Variants in LCE3E observed in about 807,000 individuals in gnomAD.
The protein encoded by LCE3E is late cornified envelope protein 3E.
For synonymous variants in LCE3E, 40 were observed against 47.0 expected (o/e 0.85, Z 0.61); for missense variants, 133 against 120.0 (o/e 1.11, Z -0.51).
chr1:152,565,754 T>C lies in LCE3E; in HGVS notation c.*176A>G, dbSNP rs1411772986. The C allele has an allele frequency of 1.1e-6, 1 of 901,872 alleles. No homozygotes were observed. The highest frequency in any genetic ancestry group is 1.7e-6 in the Non-Finnish European group (1 of 600,166). The allele number at this position is 901,872 out of a possible 1,614,324, so 55.9% of individuals were successfully genotyped here. A position where few individuals can be genotyped will look rare whatever the true frequency, so the allele number is the denominator to read the frequency against. ...AGGGGGACATATGACATCCTGTACA[T>C]AAAACAAGAAGTGCCTTCTGGGGAG... On this transcript the variant is annotated 3_prime_UTR_variant, in exon 2 of 2. Transcript: ENST00000368789.
rs748093170 is a variant in LCE3E, at chr1:152,566,171, G to A, written c.38C>T (p.Pro13Leu). 2.5e-6 allele frequency: 4 copies of A among 1,613,850 alleles called. No individual in the cohort carries two copies. Among genetic ancestry groups the A allele is most frequent in the Non-Finnish European group, 3.4e-6 (4 of 1,180,036 alleles). Residue 13 changes from proline to leucine, a missense_variant, in exon 2 of 2, where the codon CCA (proline) becomes CTA (leucine). Coordinates refer to ENST00000368789, the MANE Select transcript of LCE3E (RefSeq NM_178435.4). ...CQQNQKQCQP[P>L]PKCPSPKCPP... ...ACACTTGGGTGAGGGGCACTTGGGT[G>A]GGGGTTGGCACTGCTTCTGGTTCTG...
At position 152,565,729 on chromosome 1, in the gene LCE3E, A is replaced by AGG; in HGVS notation, c.*199_*200dup. ...GCCAATCCTTGGCAGGTACAGGGGTAGGGGGACATATGACATCCTGTACAT... is the reference window on the plus strand; with the variant it reads ...GCCAATCCTTGGCAGGTACAGGGGTAGGGGGGGACATATGACATCCTGTACAT... On this transcript the variant is annotated 3_prime_UTR_variant, in exon 2 of 2. Coordinates refer to ENST00000368789, the MANE Select transcript of LCE3E (RefSeq NM_178435.4). 1 of 704,742 alleles carries AGG rather than the reference A, an allele frequency of 1.4e-6. No homozygotes were observed. Among genetic ancestry groups the AGG allele is most frequent in the Non-Finnish European group, 2.3e-6 (1 of 430,838 alleles). The allele number at this position is 704,742 out of a possible 1,614,324, so 43.7% of individuals were successfully genotyped here.
In LCE3E at chr1:152,565,876, T is replaced by G; in HGVS notation, c.*54A>C. 2 of 1,595,384 alleles carry G rather than the reference T, an allele frequency of 1.3e-6. No individual in the cohort carries two copies. Among genetic ancestry groups the G allele is most frequent in the Non-Finnish European group, 8.5e-7 (1 of 1,170,896 alleles). ...GCGTCAGATGGGGCTGTTCTTGGCC[T>G]CTTGGGATTCTTGTTTCCTCCAAAG... On this transcript the variant is annotated 3_prime_UTR_variant, in exon 2 of 2. Transcript: ENST00000368789.
At position 152,566,090 on chromosome 1, in the gene LCE3E, C is replaced by T. The variant is rs557470051; in HGVS notation, c.119G>A (p.Ser40Asn). 3.1e-6 allele frequency: 5 copies of T among 1,613,838 alleles called. No individual in the cohort carries two copies. The highest frequency in any genetic ancestry group is 4.2e-6 in the Non-Finnish European group (5 of 1,180,040). Residue 40 changes from serine to asparagine, a missense_variant, in exon 2 of 2, where the codon AGC (serine) becomes AAC (asparagine). Transcript: ENST00000368789. ...LPPASSGCAP[S>N]SGGCGPSSEG... ...GGAGCTAGGGCCACAGCCCCCAGAGCTTGGGGCACAGCCAGAGGAAGCTGG... is the reference window on the plus strand; with the variant it reads ...GGAGCTAGGGCCACAGCCCCCAGAGTTTGGGGCACAGCCAGAGGAAGCTGG...
chr1:152,566,054 C>G lies in LCE3E; in HGVS notation c.155G>C (p.Cys52Ser), dbSNP rs756179802. 4 of 1,613,784 alleles carry G rather than the reference C, an allele frequency of 2.5e-6. No homozygotes were observed. The South Asian group carries it at 4.4e-5, about 18-fold the overall frequency. The change falls in exon 2 of 2, where the codon TGC becomes TCC. Residue 52 changes from cysteine to serine, a missense_variant. Physicochemically the swap from Cys to Ser is moderately radical, Grantham distance 112. Transcript: ENST00000368789. Reference protein sequence around the residue: ...GGCGPSSEGGCFLNHHRRHHR... With the variant: ...GGCGPSSEGGSFLNHHRRHHR... ...GTGGCGCCTGTGGTGGTTCAGGAAG[C>G]AGCCGCCCTCGGAGCTAGGGCCACA...
chr1:152,565,832 A>AGG lies in LCE3E; in HGVS notation c.*96_*97dup. On this transcript the variant is annotated 3_prime_UTR_variant, in exon 2 of 2. Coordinates refer to ENST00000368789, the MANE Select transcript of LCE3E (RefSeq NM_178435.4). ...CAGCTCAGCCTGTGAAAGTCAGAAG[A>AGG]GGGTATATGGGAAGGCATGCGTCAG... The AGG allele has an allele frequency of 6.6e-7, 1 of 1,503,846 alleles. No individual in the cohort carries two copies. The highest frequency in any genetic ancestry group is 9.0e-7 in the Non-Finnish European group (1 of 1,115,720). 93.2% of individuals were successfully genotyped at this position (1,503,846 alleles called of 1,614,324 possible).
At chr1:152,566,340 C>T (rs1185828771) in intron 1 of LCE3E, 111 bp from the exon 2 acceptor site, 1 of 1,163,800 alleles carries the variant, frequency 8.6e-7, no homozygotes, top group Non-Finnish European at 1.2e-6. Context: ...TGATGTGGAG[C>T]TGGTGGGATA....
At chr1:152,566,561 G>T (rs1659927532) in intron 1 of LCE3E, among the ~76,000 whole-genome samples, 177 bp downstream of exon 1, 2 of 152,032 alleles carry the variant, frequency 1.3e-5, no homozygotes, top group Admixed American at 1.3e-4. Flanking sequence ...GCAGGTCATG[G>T]AATTGCTGTC....
At chr1:152,566,416 T>G (rs577874244) in intron 1 of LCE3E, among the ~76,000 whole-genome samples, 187 bp from the exon 2 acceptor site, 2 of 152,086 alleles carry the variant, frequency 1.3e-5, no homozygotes, top group Admixed American at 1.3e-4. Flanking sequence ...TGGGCACGTG[T>G]GTTTCTGTTT....
At position 152,566,078 on chromosome 1, in the gene LCE3E, C is replaced by G. The variant is rs370189493; in HGVS notation, c.131G>C (p.Cys44Ser). The part of the protein sequence containing the change: ...SSGCAPSSGG[C>S]GPSSEGGCFL... ...GCAGCCGCCCTCGGAGCTAGGGCCA[C>G]AGCCCCCAGAGCTTGGGGCACAGCC... The change falls in exon 2 of 2, where the codon TGT becomes TCT. Residue 44 changes from cysteine to serine, a missense_variant. Physicochemically the swap from Cys to Ser is moderately radical, Grantham distance 112 (BLOSUM62 -1). Coordinates refer to ENST00000368789, the MANE Select transcript of LCE3E (RefSeq NM_178435.4). 9.3e-6 allele frequency: 15 copies of G among 1,613,836 alleles called. No individual in the cohort carries two copies. In the African/African-American group the frequency reaches 1.5e-4, roughly 16 times the overall value.
chr1:152,565,935 A>G lies in LCE3E; in HGVS notation c.274T>C (p.Cys92Arg). 1 of 1,613,168 alleles carries G rather than the reference A, an allele frequency of 6.2e-7. No homozygotes were observed. The highest frequency in any genetic ancestry group is 8.5e-7 in the Non-Finnish European group (1 of 1,179,804). The stretch of plus-strand genomic sequence containing the variant: ...TCTCAGCATCAGGATCTGGATCAGC[A>G]GCAGCCCCCAGAACCGTGGCAGCAG... ...SGCCHGSGGCC is the reference protein window; with the variant it reads ...SGCCHGSGGCR The change falls in exon 2 of 2, where the codon TGC becomes CGC. Residue 92 changes from cysteine to arginine, a missense_variant. Physicochemically the swap from Cys to Arg is radical, Grantham distance 180. Transcript: ENST00000368789.
Position 152,565,777 on chromosome 1 carries a change from G to A in LCE3E, c.*153C>T. On this transcript the variant is annotated 3_prime_UTR_variant, in exon 2 of 2. Transcript: ENST00000368789. ...CATAAAACAAGAAGTGCCTTCTGGGGAGAGCTCAGATCCCCCACAGGAAAA... is the reference window on the plus strand; with the variant it reads ...CATAAAACAAGAAGTGCCTTCTGGGAAGAGCTCAGATCCCCCACAGGAAAA... 1.8e-6 allele frequency: 2 copies of A among 1,113,558 alleles called. No individual in the cohort carries two copies. The highest frequency in any genetic ancestry group is 1.5e-5 in the South Asian group (1 of 66,180). 69.0% of individuals were successfully genotyped at this position (1,113,558 alleles called of 1,614,324 possible).
At chr1:152,566,439 C>T (rs1007180366) in intron 1 of LCE3E, among the ~76,000 whole-genome samples, 5 of 152,014 alleles carry the variant, frequency 3.3e-5, no homozygotes, top group African/African-American at 1.2e-4. Flanking sequence ...CCAAAGAACC[C>T]CTAGGGAATG....
chr1:152,566,188 C>G lies in LCE3E; in HGVS notation c.21G>C (p.Gln7His). The G allele has an allele frequency of 6.2e-7, 1 of 1,613,826 alleles. No homozygotes were observed. Among genetic ancestry groups the G allele is most frequent in the Non-Finnish European group, 8.5e-7 (1 of 1,180,022 alleles). ...ACTTGGGTGGGGGTTGGCACTGCTT[C>G]TGGTTCTGCTGGCAGGACATCTTGG... MSCQQN[Q>H]KQCQPPPKCP... The change falls in exon 2 of 2, where the codon CAG becomes CAC. Residue 7 changes from glutamine (Q) to histidine (H), a missense_variant. Physicochemically the swap from Gln to His is conservative, Grantham distance 24. Coordinates refer to ENST00000368789, the MANE Select transcript of LCE3E (RefSeq NM_178435.4).
chr1:152,566,004 T>C lies in LCE3E; in HGVS notation c.205A>G (p.Asn69Asp). The change falls in exon 2 of 2, where the codon AAC (asparagine) becomes GAC (aspartate). Residue 69 changes from asparagine to aspartate, a missense_variant. Transcript: ENST00000368789. The part of the protein sequence containing the change: ...RHHRCRRQRS[N>D]SCDRGSGQQG... ...TGACCACTGCCCCTGTCACAGGAGT[T>C]GGACCTCTGGCGCCGGCATCGGTGG... 2 of 1,613,766 alleles carry C rather than the reference T, an allele frequency of 1.2e-6. No homozygotes were observed. Among genetic ancestry groups the C allele is most frequent in the East Asian group, 2.2e-5 (1 of 44,874 alleles).
Position 152,565,714 on chromosome 1 carries a change from G to A in LCE3E, c.*216C>T, listed in dbSNP as rs537044485. 4.6e-6 allele frequency: 3 copies of A among 659,212 alleles called. No individual in the cohort carries two copies. The African/African-American group carries it at 5.4e-5, about 12-fold the overall frequency. 40.8% of individuals were successfully genotyped at this position (659,212 alleles called of 1,614,324 possible). ...TTGGGCACAAGCACTGCCAATCCTT[G>A]GCAGGTACAGGGGTAGGGGGACATA... On this transcript the variant is annotated 3_prime_UTR_variant, in exon 2 of 2. Coordinates refer to ENST00000368789, the MANE Select transcript of LCE3E (RefSeq NM_178435.4).
Position 152,565,660 on chromosome 1 carries a change from G to C in LCE3E, c.*270C>G, listed in dbSNP as rs1659905505. The C allele has an allele frequency of 3.7e-6, 2 of 538,792 alleles. No individual in the cohort carries two copies. Among genetic ancestry groups the C allele is most frequent in the Non-Finnish European group, 6.6e-6 (2 of 303,932 alleles). 33.4% of individuals were successfully genotyped at this position (538,792 alleles called of 1,614,324 possible). ...CCCAGTGGGACGCTGGTGGTAATGA[G>C]GACAAGGAACTTTATCTTTTTTACG... On this transcript the variant is annotated 3_prime_UTR_variant, in exon 2 of 2. Transcript: ENST00000368789.
rs1407861797 is a variant in LCE3E at position 152,565,848 on chromosome 1, C to A, written c.*82G>T. On this transcript the variant is annotated 3_prime_UTR_variant, in exon 2 of 2. Transcript: ENST00000368789. ...AGTCAGAAGAGGGTATATGGGAAGGCATGCGTCAGATGGGGCTGTTCTTGG... is the reference window on the plus strand; with the variant it reads ...AGTCAGAAGAGGGTATATGGGAAGGAATGCGTCAGATGGGGCTGTTCTTGG... 1.5e-5 allele frequency: 24 copies of A among 1,550,592 alleles called. No individual in the cohort carries two copies. Among genetic ancestry groups the A allele is most frequent in the Non-Finnish European group, 1.9e-5 (22 of 1,146,210 alleles).
chr1:152,565,915 G>T lies in LCE3E; in HGVS notation c.*15C>A. 2 of 1,611,388 alleles carry T rather than the reference G, an allele frequency of 1.2e-6. No individual in the cohort carries two copies. The highest frequency in any genetic ancestry group is 1.7e-6 in the Non-Finnish European group (2 of 1,178,924). ...TTTCCTCCAAAGATCGCTTGTCTCA[G>T]CATCAGGATCTGGATCAGCAGCAGC... On this transcript the variant is annotated 3_prime_UTR_variant, in exon 2 of 2. Transcript: ENST00000368789.
Sources: allele counts gnomAD v4.1 joint callset (sites outside exome capture counted in the v4.1 genomes callset), GRCh38; gene constraint gnomAD v4.1.1; transcripts MANE v1.5; gene names NCBI Gene and HGNC (gene_info 2026-07-23, HGNC 2026-07-21).